PTPRD: variants seen among roughly 807,000 people sequenced by gnomAD.
PTPRD encodes the protein protein tyrosine phosphatase receptor type D, also known as receptor-type tyrosine-protein phosphatase delta.
PTPRD carries 34 observed loss-of-function variants against 214.5 expected under a neutral mutation model. That is an observed-to-expected ratio of 0.16 (90% CI 0.12 to 0.21). PTPRD has a LOEUF of 0.21. Ranked by LOEUF, PTPRD falls within the 10% of genes least tolerant of loss-of-function variation. PTPRD has a pLI of 1.00. For missense variants in PTPRD, 2,545 were observed against 2,398.7 expected (o/e 1.06, Z -1.27); for synonymous variants, 1,128 against 845.7 (o/e 1.33, Z -5.79).
intron 2 of PTPRD, among the ~76,000 whole-genome samples, chr9:10,586,712 T>C (rs1415732757): frequency 1.3e-5 from 2 of 151,902 alleles, no homozygotes; most frequent in African/African-American, 4.8e-5. Context: ...TCTAGAAAAG[T>C]GTAAGTTACT....
chr9:8,971,932 C>T (rs542156823), intron 11 of PTPRD, among the ~76,000 whole-genome samples: 2 of 151,874 alleles, frequency 1.3e-5, no homozygotes, highest in Admixed American at 1.3e-4. Context: ...TATTTTCCTA[C>T]ACCAGATTTG....
intron 8 of PTPRD, among the ~76,000 whole-genome samples, chr9:9,515,353 T>C (rs915353279): frequency 5.9e-5 from 9 of 152,146 alleles, no homozygotes; most frequent in South Asian, 2.1e-4. Context: ...TGGCTATATA[T>C]CTAAACCTCA....
chr9:8,661,052 T>C (rs919031417), intron 12 of PTPRD, among the ~76,000 whole-genome samples: 2 of 152,096 alleles, frequency 1.3e-5, no homozygotes, highest in Middle Eastern at 3.2e-3. Flanking sequence ...CTGAGGCTTA[T>C]TGTTCTCAAA....
chr9:9,041,443 C>T (rs553142060), intron 10 of PTPRD, among the ~76,000 whole-genome samples: 4 of 152,238 alleles, frequency 2.6e-5, no homozygotes, highest in African/African-American at 9.6e-5. Flanking sequence ...TTAGCTCCTA[C>T]TTATAAGTAG....
intron 4 of PTPRD, among the ~76,000 whole-genome samples, chr9:9,994,826 G>A (rs1008830553): frequency 1.3e-5 from 2 of 151,982 alleles, no homozygotes; most frequent in African/African-American, 4.8e-5. Context: ...AAAACTTCTT[G>A]CTTTGTCTAA....
chr9:9,422,237 G>A (rs964772342), intron 8 of PTPRD, among the ~76,000 whole-genome samples: 1 of 152,108 alleles, frequency 6.6e-6, no homozygotes, highest in Non-Finnish European at 1.5e-5. Flanking sequence ...GGCACAAAGA[G>A]GTTAAGTAGC....
At chr9:8,672,989 C>T (rs1443125857) in intron 12 of PTPRD, among the ~76,000 whole-genome samples, 1 of 152,004 alleles carries the variant, frequency 6.6e-6, no homozygotes, top group Non-Finnish European at 1.5e-5. Context: ...AATCAGAAAC[C>T]TCCTATCCAT....
At chr9:8,989,755 CTTTA>C (rs377467812) in intron 11 of PTPRD, among the ~76,000 whole-genome samples, 201 of 152,132 alleles carry the variant, frequency 1.3e-3, no homozygotes, top group African/African-American at 4.7e-3. Flanking sequence ...TTACTTATGT[CTTTA>C]TTTGTTTTAT....
chr9:10,062,314 T>C (rs1034562660), intron 3 of PTPRD, among the ~76,000 whole-genome samples: 5 of 152,016 alleles, frequency 3.3e-5, no homozygotes, highest in Non-Finnish European at 7.4e-5. Flanking sequence ...TATAAAATTA[T>C]TGGTTTTCAG....
rs544632236 is a variant in PTPRD at position 8,968,311 on chromosome 9, G to T, written c.-104+50386C>A. On this transcript the variant is annotated intron_variant, in intron 11 of 45. Transcript: ENST00000381196. The stretch of plus-strand genomic sequence containing the variant: ...GGTCAAATGGTATTTCTAGTTCTAG[G>T]TCCTTAAGGAATTGCCACACTGTCT... 6.6e-5 allele frequency among the ~76,000 whole-genome samples: 10 copies of T among 152,118 alleles called. No homozygotes were observed. The South Asian group carries it at 8.3e-4, about 13-fold the overall frequency.
At chr9:8,374,995 C>T (rs997786987) in intron 39 of PTPRD, among the ~76,000 whole-genome samples, 23 of 151,824 alleles carry the variant, frequency 1.5e-4, no homozygotes, top group Non-Finnish European at 2.4e-4. Context: ...TATTAAGTCA[C>T]GATAGAAGTG....
At chr9:8,357,827 T>C (rs888916352) in intron 39 of PTPRD, among the ~76,000 whole-genome samples, 5 of 152,192 alleles carry the variant, frequency 3.3e-5, no homozygotes, top group Admixed American at 3.3e-4. Context: ...CTAATTACAA[T>C]GCAAGCCCCA....
intron 14 of PTPRD, among the ~76,000 whole-genome samples, chr9:8,565,104 T>A (rs1310828562): frequency 6.6e-6 from 1 of 152,122 alleles, no homozygotes; most frequent in Non-Finnish European, 1.5e-5. Context: ...GACGAACATG[T>A]GGCCATGTAA....
At chr9:8,725,911 T>G (rs1000321894) in intron 12 of PTPRD, among the ~76,000 whole-genome samples, 1 of 151,964 alleles carries the variant, frequency 6.6e-6, no homozygotes, top group African/African-American at 2.4e-5. Flanking sequence ...TCCTAAACAC[T>G]AGCTATGAAT....
At chr9:10,425,877 A>C (rs1333924433) in intron 2 of PTPRD, among the ~76,000 whole-genome samples, 1 of 151,884 alleles carries the variant, frequency 6.6e-6, no homozygotes, top group Non-Finnish European at 1.5e-5. Context: ...GTCATATACA[A>C]TTTTTATTTA....
intron 3 of PTPRD, among the ~76,000 whole-genome samples, chr9:10,236,332 A>T (rs1403790991): frequency 6.6e-6 from 1 of 151,904 alleles, no homozygotes; most frequent in East Asian, 1.9e-4. Flanking sequence ...CCAGGGAAAG[A>T]TTCTGGCGTA....
intron 9 of PTPRD, among the ~76,000 whole-genome samples, chr9:9,249,821 G>A (rs954473168): frequency 1.3e-5 from 2 of 152,078 alleles, no homozygotes; most frequent in Non-Finnish European, 2.9e-5. Flanking sequence ...CTGAAAGACT[G>A]AACTGGGAGA....
intron 10 of PTPRD, among the ~76,000 whole-genome samples, chr9:9,182,398 C>T (rs1006115834): frequency 8.6e-5 from 13 of 152,018 alleles, no homozygotes; most frequent in South Asian, 8.3e-4. Context: ...AGCATGCTAA[C>T]GAACTTTTAA....
chr9:10,347,188 C>A (rs942212216), intron 2 of PTPRD, among the ~76,000 whole-genome samples: 1 of 152,014 alleles, frequency 6.6e-6, no homozygotes, highest in African/African-American at 2.4e-5. Flanking sequence ...TCATTGTCTG[C>A]CACTGTTATT....
Sources: gnomAD v4.1 joint callset for allele counts (sites outside exome capture counted in the v4.1 genomes callset) on GRCh38, gnomAD v4.1.1 for gene constraint, MANE v1.5 for transcripts, NCBI Gene and HGNC (gene_info 2026-07-23, HGNC 2026-07-21) for gene names.